The following CHD8 variants were observed in gnomAD, a reference collection of about 807,000 sequenced individuals.
CHD8 encodes the protein ATP-dependent chromatin remodeler CHD8.
In CHD8, 31 loss-of-function variants were observed where a neutral mutation model predicts 279.2. The ratio of observed to expected loss-of-function variants is 0.11; its 90% CI spans 0.08 to 0.15. The LOEUF (loss-of-function observed/expected upper bound fraction) is 0.15, where lower values mean the gene tolerates loss of function less well. Ranked by LOEUF, CHD8 falls within the 10% of genes least tolerant of loss-of-function variation. CHD8 has a pLI of 1.00. For synonymous variants in CHD8, 1,081 were observed against 1,139.6 expected, an observed-to-expected ratio of 0.95 and a Z score of 1.04; for missense variants, 2,146 against 3,230.5, an observed-to-expected ratio of 0.66 and a Z score of 8.14.
intron 37 of CHD8, among the ~76,000 whole-genome samples, chr14:21,387,809 C>CAAAAAAAA (rs34063784): frequency 1.3e-5 from 1 of 76,170 alleles, no homozygotes; most frequent in African/African-American, 4.8e-5. Flanking sequence ...CTGTCTCAAG[C>CAAAAAAAA]AAAAAAAAAA....
rs546713319 is a variant in CHD8 at position 21,417,671 on chromosome 14, G to A, written c.1717-1764C>T. 3.3e-3 allele frequency among the ~76,000 whole-genome samples: 498 copies of A among 151,864 alleles called. 2 individuals carry two copies. The highest frequency in any genetic ancestry group is 6.1e-3 in the Admixed American group (93 of 15,238). On this transcript the variant is annotated intron_variant, in intron 5 of 37. Coordinates refer to ENST00000646647, the MANE Select transcript of CHD8 (RefSeq NM_001170629.2). ...AGATTGAGACCATCCTGGCTAACAC[G>A]GTGAAACCCTGTCTCTACTAAAAAT...
At position 21,386,035 on chromosome 14, in the gene CHD8, A is replaced by T. The variant is rs1291758729; in HGVS notation, c.7324T>A (p.Ser2442Thr). 6.3e-7 allele frequency: 1 copy of T among 1,596,842 alleles called. No homozygotes were observed. Among genetic ancestry groups the T allele is most frequent in the Non-Finnish European group, 8.5e-7 (1 of 1,171,494 alleles). Residue 2442 changes from serine (S) to threonine (T), a missense_variant, in exon 38 of 38, where the codon TCT becomes ACT. Ser to Thr is a moderately conservative substitution (Grantham distance 58). Transcript: ENST00000646647. ...LMQGGSTGSL[S>T]LHNTFQHSSS... Reference sequence around the variant, plus strand: ...CTGTGTTGGAACGTGTTATGCAGAGATAGAGACCCAGTGCTTCCACCCTGC... The same window carrying T: ...CTGTGTTGGAACGTGTTATGCAGAGTTAGAGACCCAGTGCTTCCACCCTGC...
At chr14:21,399,390 C>A in intron 26 of CHD8, 1 of 530,072 alleles carries the variant, frequency 1.9e-6, no homozygotes, top group South Asian at 2.0e-5. Flanking sequence ...GGCTCCCTAC[C>A]TTGAGATTTA....
intron 30 of CHD8, 197 bp from the exon 31 acceptor site, chr14:21,394,682 G>A (rs1053317265): frequency 4.8e-6 from 3 of 630,072 alleles, no homozygotes; most frequent in African/African-American, 3.7e-5. Context: ...AGAGCCAAGG[G>A]GGAAAAGACA....
intron 5 of CHD8, among the ~76,000 whole-genome samples, chr14:21,419,280 C>T (rs997569180): frequency 1.5e-4 from 23 of 152,054 alleles, no homozygotes; most frequent in Admixed American, 1.0e-3. Flanking sequence ...CAGGGTGGGC[C>T]GGGAGCGGTG....
In CHD8 at chr14:21,394,312, C is replaced by T. The variant is rs1044223519; in HGVS notation, c.5564G>A (p.Arg1855His). The part of the protein sequence containing the change: ...KYFHGFVAMC[R>H]QVCRLPPAAG... The stretch of plus-strand genomic sequence containing the variant: ...TGCTGGGGGAAGGCGGCATACTTGG[C>T]GGCACATGGCCACAAAGCCATGGAA... Residue 1855 changes from arginine (R) to histidine (H), a missense_variant, in exon 31 of 38, where the codon CGC becomes CAC. This residue lies in a region of CHD8 where 513 missense variants were observed against 637.6 expected (regional missense o/e 0.80). Coordinates refer to ENST00000646647, the MANE Select transcript of CHD8 (RefSeq NM_001170629.2). The T allele has an allele frequency of 2.3e-5, 37 of 1,613,896 alleles. No homozygotes were observed. The highest frequency in any genetic ancestry group is 3.0e-5 in the Non-Finnish European group (35 of 1,179,872).
chr14:21,455,023 C>T (rs1423894471), intron 1 of CHD8: 1 of 152,190 alleles, frequency 6.6e-6, no homozygotes, highest in South Asian at 2.1e-4. Flanking sequence ...TTGACTGAGT[C>T]GACAAACTCA....
chr14:21,432,497 C>A (rs755896334), intron 1 of CHD8, among the ~76,000 whole-genome samples: 14 of 152,170 alleles, frequency 9.2e-5, no homozygotes, highest in Non-Finnish European at 1.9e-4. Context: ...TAAAAAAGGT[C>A]AATTGCAAGG....
At chr14:21,404,504 T>G (rs997324579) in intron 16 of CHD8, among the ~76,000 whole-genome samples, 5 of 150,686 alleles carry the variant, frequency 3.3e-5, no homozygotes, top group African/African-American at 1.2e-4. Flanking sequence ...GATGTAAATA[T>G]GTGGACAAGG....
intron 1 of CHD8, among the ~76,000 whole-genome samples, chr14:21,451,799 T>G (rs976294451): frequency 6.6e-6 from 1 of 152,140 alleles, no homozygotes; most frequent in Admixed American, 6.5e-5. Flanking sequence ...GGATGGAAAC[T>G]ATATAATTAA....
chr14:21,393,740 G>T lies in CHD8; in HGVS notation c.6055C>A (p.Leu2019Met), dbSNP rs756184768. The T allele has an allele frequency of 1.5e-5, 25 of 1,613,942 alleles. No homozygotes were observed. In the South Asian group the frequency reaches 2.5e-4, roughly 16 times the overall value. ...TCTAGCTTTAAAGTCAGACTCTCCAGACTGGGGACCTGGGTAGCTGTCTCC... is the reference window on the plus strand; with the variant it reads ...TCTAGCTTTAAAGTCAGACTCTCCATACTGGGGACCTGGGTAGCTGTCTCC... ...PEETATQVPS[L>M]ESLTLKLEHE... Residue 2019 changes from leucine to methionine, a missense_variant, in exon 32 of 38, where the codon CTG (leucine) becomes ATG (methionine). Around this residue, in one of 26 missense-constraint regions of CHD8, gnomAD observed 513 missense variants for 637.6 expected, o/e 0.80. Coordinates refer to ENST00000646647, the MANE Select transcript of CHD8 (RefSeq NM_001170629.2).
rs777093644 is a variant in CHD8 at position 21,385,954 on chromosome 14, A to C, written c.7405T>G (p.Ser2469Ala). ...ATCACAAATGGCATAAAAGGCAAAG[A>C]TGCAGAAGTGGCACTGCTGTGACCC... Reference protein sequence around the residue: ...SLGHSSATSASLPFMPFVMGG... With the variant: ...SLGHSSATSAALPFMPFVMGG... Residue 2469 changes from serine (S) to alanine (A), a missense_variant, in exon 38 of 38, where the codon TCT becomes GCT. By Grantham distance (99) the Ser-to-Ala change is moderately conservative. Around this residue, in one of 26 missense-constraint regions of CHD8, gnomAD observed 336 missense variants for 392.9 expected, o/e 0.86. Transcript: ENST00000646647. 11 of 1,558,848 alleles carry C rather than the reference A, an allele frequency of 7.1e-6. No individual in the cohort carries two copies. The highest frequency in any genetic ancestry group is 2.4e-5 in the South Asian group (2 of 84,448).
intron 1 of CHD8, among the ~76,000 whole-genome samples, chr14:21,440,413 G>A (rs1889927074): frequency 6.6e-6 from 1 of 152,096 alleles, no homozygotes; most frequent in South Asian, 2.1e-4. Flanking sequence ...CACCATGTTG[G>A]CCAGGCTGGT....
Position 21,408,507 on chromosome 14 carries a change from C to T in CHD8, c.2535G>A (p.Gln845=). 3 of 1,613,776 alleles carry T rather than the reference C, an allele frequency of 1.9e-6. No individual in the cohort carries two copies. Among genetic ancestry groups the T allele is most frequent in the Non-Finnish European group, 2.5e-6 (3 of 1,179,864 alleles). ...ATACTTCCTGCAAGAAGGCAATGGA[C>T]TGAATAGTTTTGCCCAATCCCATCT... is the stretch of plus-strand genomic sequence containing the variant. ...ADEMGLGKTI[Q]SIAFLQEVYN... is the part of the protein sequence containing the mutation. The change falls in exon 13 of 38, where the codon CAG becomes CAA. Residue 845 remains glutamine (Q), a synonymous_variant. Transcript: ENST00000646647. The surrounding 1 kb of genome is among the most constrained non-coding windows in gnomAD (Gnocchi z 4.3).
rs765571443 is a variant in CHD8, at chr14:21,400,948, G to A, written c.4297C>T (p.Arg1433Cys). ...TAGGCATGATGACGGTCATGTCTGC[G>A]GGAGCGTGGCCGCTCATCATCCTCA... Reference protein sequence around the residue: ...ESEDDERPRSRRHDRHHAYGR... With the variant: ...ESEDDERPRSCRHDRHHAYGR... Residue 1433 changes from arginine (R) to cysteine (C), a missense_variant, in exon 22 of 38, where the codon CGC (arginine) becomes TGC (cysteine). By Grantham distance (180) the Arg-to-Cys change is radical. Coordinates refer to ENST00000646647, the MANE Select transcript of CHD8 (RefSeq NM_001170629.2). This position sits in a 1 kb window ranked among gnomAD's most constrained non-coding sequence, Gnocchi z 4.2. The A allele has an allele frequency of 1.4e-5, 23 of 1,613,788 alleles. No homozygotes were observed. The highest frequency in any genetic ancestry group is 3.3e-5 in the Admixed American group (2 of 59,982).
At chr14:21,414,209 T>C (rs1888624697) in intron 9 of CHD8, 92 bp downstream of exon 9, 2 of 718,166 alleles carry the variant, frequency 2.8e-6, no homozygotes, top group South Asian at 3.3e-5. Context: ...AGAAACCAAT[T>C]ACAAGTATTT....
Position 21,408,974 on chromosome 14 carries a change from G to GTT in CHD8, c.2365-151_2365-150dup, listed in dbSNP as rs1451034721. On this transcript the variant is annotated intron_variant, in intron 11 of 37. Transcript: ENST00000646647. This position sits in a 1 kb window ranked among gnomAD's most constrained non-coding sequence, Gnocchi z 4.3. ...ATATTTAAATTTATGAGTTCATAAC[G>GTT]TTACTTTATGGGTCCATAATGATCA... is the stretch of plus-strand genomic sequence containing the variant. 3.5e-6 allele frequency: 3 copies of GTT among 851,104 alleles called. No individual in the cohort carries two copies. The highest frequency in any genetic ancestry group is 5.3e-6 in the Non-Finnish European group (3 of 567,714). The allele number at this position is 851,104 out of a possible 1,614,324, so 52.7% of individuals were successfully genotyped here. A position where few individuals can be genotyped will look rare whatever the true frequency, so the allele number is the denominator to read the frequency against.
At chr14:21,392,265 T>G (rs374528240) in intron 34 of CHD8, 29 of 764,726 alleles carry the variant, frequency 3.8e-5, no homozygotes, top group Non-Finnish European at 7.1e-6. Context: ...AAAATCCTGC[T>G]ATTCCTAAGC....
intron 1 of CHD8, among the ~76,000 whole-genome samples, chr14:21,436,724 C>T (rs1262461217): frequency 6.6e-6 from 1 of 151,932 alleles, no homozygotes; most frequent in Non-Finnish European, 1.5e-5. Context: ...GTGAATAAAT[C>T]GGAAAAGCAA....
Sources: gnomAD v4.1 joint callset for allele counts (sites outside exome capture counted in the v4.1 genomes callset) on GRCh38, gnomAD v4.1.1 for gene constraint, gnomAD v4.1.1 regional missense constraint, Gnocchi (gnomAD v3.1) non-coding constraint, MANE v1.5 for transcripts, NCBI Gene and HGNC (gene_info 2026-07-23, HGNC 2026-07-21) for gene names.